The following CYBRD1 variants were observed in gnomAD, a reference collection of about 807,000 sequenced individuals.
The protein encoded by CYBRD1 is plasma membrane ascorbate-dependent reductase CYBRD1.
A neutral mutation model predicts 21.9 loss-of-function variants in CYBRD1; 14 were observed. The observed-to-expected ratio is 0.64, with a 90% CI of 0.42 to 1.00. The LOEUF (loss-of-function observed/expected upper bound fraction) is 1.00. Ranked by LOEUF, CYBRD1 falls within the 50% of genes least tolerant of loss-of-function variation. The probability of loss-of-function intolerance (pLI) is 0.00; values close to 1 mark genes in which losing one functional copy is unlikely to be tolerated. For synonymous variants in CYBRD1, 146 were observed against 136.5 expected (o/e 1.07, Z -0.48); for missense variants, 328 against 352.5 (o/e 0.93, Z 0.56).
chr2:171,540,788 T>G (rs1186202110), intron 1 of CYBRD1: 1 of 149,966 alleles, frequency 6.7e-6, no homozygotes, highest in Non-Finnish European at 1.5e-5. Context: ...TTTTTTTTTT[T>G]GTCTTCCTCT....
intron 2 of CYBRD1, among the ~76,000 whole-genome samples, chr2:171,547,069 TGAGA>T (rs1559319534): frequency 6.6e-6 from 1 of 152,080 alleles, no homozygotes; most frequent in African/African-American, 2.4e-5. Flanking sequence ...ATGTAAAGAA[TGAGA>T]GAGAGTCACT....
chr2:171,523,374 G>T (rs1697338997), intron 1 of CYBRD1: 3 of 287,548 alleles, frequency 1.0e-5, no homozygotes, highest in South Asian at 9.0e-5. Flanking sequence ...TCCTCCTAGA[G>T]TGTTAAACTC....
At chr2:171,545,919 C>A (rs1697706623) in intron 2 of CYBRD1, among the ~76,000 whole-genome samples, 1 of 152,014 alleles carries the variant, frequency 6.6e-6, no homozygotes, top group Admixed American at 6.6e-5. Context: ...CTTAAGTTTT[C>A]TTCTTTAACA....
chr2:171,527,344 C>T (rs777611158), intron 1 of CYBRD1, among the ~76,000 whole-genome samples: 1 of 152,098 alleles, frequency 6.6e-6, no homozygotes, highest in Non-Finnish European at 1.5e-5. Flanking sequence ...TGCTATATCC[C>T]CAGTACCTAG....
At chr2:171,539,512 T>C (rs190218468) in intron 1 of CYBRD1, among the ~76,000 whole-genome samples, 42 of 152,224 alleles carry the variant, frequency 2.8e-4, no homozygotes, top group Admixed American at 2.7e-3. Context: ...GCTGATATAG[T>C]GGAATCCATC....
At chr2:171,553,525 G>A in intron 3 of CYBRD1, 25 bp downstream of exon 3, 1 of 1,597,092 alleles carries the variant, frequency 6.3e-7, no homozygotes, top group Non-Finnish European at 8.5e-7. Flanking sequence ...CTTCTTAATT[G>A]TAATACTTAA....
At chr2:171,538,312 T>C (rs1340834551) in intron 1 of CYBRD1, among the ~76,000 whole-genome samples, 1 of 152,130 alleles carries the variant, frequency 6.6e-6, no homozygotes. Context: ...AGGAGCTACA[T>C]GCTTTGAGTC....
At chr2:171,550,561 A>G (rs907178749) in intron 2 of CYBRD1, among the ~76,000 whole-genome samples, 4 of 152,186 alleles carry the variant, frequency 2.6e-5, no homozygotes, top group Non-Finnish European at 5.9e-5. Flanking sequence ...ATAAGTTATT[A>G]TAAATTATAA....
At position 171,541,632 on chromosome 2, in the gene CYBRD1, C is replaced by A. The variant is rs111404664; in HGVS notation, c.241C>A (p.Leu81Met). The A allele has an allele frequency of 6.2e-7, 1 of 1,613,950 alleles. No homozygotes were observed. The highest frequency in any genetic ancestry group is 8.5e-7 in the Non-Finnish European group (1 of 1,179,980). Residue 81 changes from leucine to methionine, a missense_variant, in exon 2 of 4, where the codon CTG (leucine) becomes ATG (methionine). By Grantham distance (15) the Leu-to-Met change is conservative (BLOSUM62 2). Transcript: ENST00000321348. Reference protein sequence around the residue: ...LPWTWKCSKLLMKSIHAGLNA... With the variant: ...LPWTWKCSKLMMKSIHAGLNA... ...GTGGACCTGGAAATGCAGCAAGCTC[C>A]TGATGAAATCCATCCATGCAGGGTT...
chr2:171,552,298 C>T (rs953396175), intron 2 of CYBRD1, among the ~76,000 whole-genome samples: 1 of 151,174 alleles, frequency 6.6e-6, no homozygotes. Flanking sequence ...GATTTTTCCT[C>T]TGCAGTCTGT....
chr2:171,555,282 AG>A lies in CYBRD1; in HGVS notation c.*456del. On this transcript the variant is annotated 3_prime_UTR_variant, in exon 4 of 4. Coordinates refer to ENST00000321348, the MANE Select transcript of CYBRD1 (RefSeq NM_024843.4). ...ATAAGGAATATCTGGGACAGGGTTT[AG>A]ATCATGACTCTACACAGATACCATG... 4.3e-6 allele frequency: 1 copy of A among 235,042 alleles called. No individual in the cohort carries two copies. The highest frequency in any genetic ancestry group is 5.2e-5 in the Admixed American group (1 of 19,214). 14.6% of individuals were successfully genotyped at this position (235,042 alleles called of 1,614,324 possible).
At chr2:171,529,402 A>T (rs963890206) in intron 1 of CYBRD1, among the ~76,000 whole-genome samples, 2 of 151,986 alleles carry the variant, frequency 1.3e-5, no homozygotes, top group African/African-American at 4.8e-5. Flanking sequence ...AGGGTGGTGC[A>T]TACCTGTAAT....
In CYBRD1 at chr2:171,554,814, G is replaced by A. The variant is rs998194468; in HGVS notation, c.848G>A (p.Arg283Lys). Reference sequence around the variant, plus strand: ...TTAGCTCTGGATGAGGCTGGGCAGAGATCTACCATGTAAAATGTTGTAGAG... The same window carrying A: ...TTAGCTCTGGATGAGGCTGGGCAGAAATCTACCATGTAAAATGTTGTAGAG... ...RNLALDEAGQ[R>K]STM The change falls in exon 4 of 4, where the codon AGA becomes AAA. Residue 283 changes from arginine to lysine, a missense_variant. By Grantham distance (26) the Arg-to-Lys change is conservative. Coordinates refer to ENST00000321348, the MANE Select transcript of CYBRD1 (RefSeq NM_024843.4). 6 of 1,612,986 alleles carry A rather than the reference G, an allele frequency of 3.7e-6. No individual in the cohort carries two copies. In the Admixed American group the frequency reaches 6.7e-5, roughly 18 times the overall value.
At chr2:171,545,138 CAAA>C (rs761208882) in intron 2 of CYBRD1, among the ~76,000 whole-genome samples, 12 of 68,792 alleles carry the variant, frequency 1.7e-4, no homozygotes, top group East Asian at 4.3e-4. Flanking sequence ...GACCCTGTCT[CAAA>C]AAAAAAAAAA....
chr2:171,554,403 C>A, intron 3 of CYBRD1, 121 bp from the exon 4 acceptor site: 2 of 886,858 alleles, frequency 2.3e-6, no homozygotes, highest in Admixed American at 2.6e-5. Flanking sequence ...TCCTTAATAG[C>A]AAGCTTTGAG....
chr2:171,537,447 T>C (rs1163366634), intron 1 of CYBRD1, among the ~76,000 whole-genome samples: 5 of 152,170 alleles, frequency 3.3e-5, no homozygotes, highest in Non-Finnish European at 7.3e-5. Context: ...TTTCCAGATT[T>C]GATCAGTCTG....
Position 171,523,009 on chromosome 2 carries a change from G to C in CYBRD1, c.193+271G>C, listed in dbSNP as rs760626194. The C allele has an allele frequency of 4.5e-4, 225 of 502,186 alleles. 1 individual carries two copies. The highest frequency in any genetic ancestry group is 7.0e-4 in the Non-Finnish European group (198 of 283,974). The allele number at this position is 502,186 out of a possible 1,614,324, so 31.1% of individuals were successfully genotyped here. ...GACGCGCTGCTGGGGGCGGCGGAGCGGGGCCGGCCCCACTTGGTTAACTCT... is the reference window on the plus strand; with the variant it reads ...GACGCGCTGCTGGGGGCGGCGGAGCCGGGCCGGCCCCACTTGGTTAACTCT... On this transcript the variant is annotated intron_variant, in intron 1 of 3. Coordinates refer to ENST00000321348, the MANE Select transcript of CYBRD1 (RefSeq NM_024843.4).
chr2:171,525,879 G>A (rs1301219242), intron 1 of CYBRD1, among the ~76,000 whole-genome samples: 2 of 149,694 alleles, frequency 1.3e-5, no homozygotes, highest in African/African-American at 2.5e-5. Context: ...CTCGGGAAAC[G>A]GAGGTTGCGG....
intron 1 of CYBRD1, among the ~76,000 whole-genome samples, chr2:171,539,350 G>A (rs1277504805): frequency 6.6e-6 from 1 of 152,060 alleles, no homozygotes; most frequent in Non-Finnish European, 1.5e-5. Flanking sequence ...AGCGTGTGGT[G>A]GTGCATGCCT....
Sources: allele counts gnomAD v4.1 joint callset (sites outside exome capture counted in the v4.1 genomes callset), GRCh38; gene constraint gnomAD v4.1.1; transcripts MANE v1.5; gene names NCBI Gene and HGNC (gene_info 2026-07-23, HGNC 2026-07-21).